PDE4B: variants seen among roughly 807,000 people sequenced by gnomAD.
PDE4B encodes the protein phosphodiesterase 4B, also known as 3',5'-cyclic-AMP phosphodiesterase 4B.
PDE4B carries 20 observed loss-of-function variants against 82.2 expected under a neutral mutation model. That is an observed-to-expected ratio of 0.24 (90% CI 0.17 to 0.35). The LOEUF is 0.35. Among genes scored for constraint, PDE4B ranks in the 10% least tolerant of loss-of-function variants. PDE4B has a pLI of 1.00. For synonymous variants in PDE4B, 320 were observed against 318.9 expected, an observed-to-expected ratio of 1.00 and a Z score of -0.04; for missense variants, 655 against 907.2, an observed-to-expected ratio of 0.72 and a Z score of 3.57.
chr1:65,814,817 C>G (rs949813683), intron 1 of PDE4B, among the ~76,000 whole-genome samples: 19 of 151,824 alleles, frequency 1.3e-4, no homozygotes, highest in Admixed American at 2.0e-4. Flanking sequence ...AGGTTGTTCC[C>G]AGGTGTAAAC....
chr1:66,051,378 A>G (rs1223840283), intron 3 of PDE4B, among the ~76,000 whole-genome samples: 2 of 152,130 alleles, frequency 1.3e-5, no homozygotes, highest in Non-Finnish European at 2.9e-5. Context: ...TTGGGTCAGT[A>G]TAGGAGAGAA....
At chr1:65,841,238 T>TA (rs1646203014) in intron 1 of PDE4B, among the ~76,000 whole-genome samples, 1 of 151,662 alleles carries the variant, frequency 6.6e-6, no homozygotes, top group African/African-American at 2.4e-5. Context: ...GCAGAGGTTG[T>TA]AGTGAGCCAA....
At chr1:66,343,419 C>T (rs541796421) in intron 8 of PDE4B, among the ~76,000 whole-genome samples, 13 of 152,310 alleles carry the variant, frequency 8.5e-5, no homozygotes, top group Non-Finnish European at 1.8e-4. Flanking sequence ...GCTCCTAGGA[C>T]GCCAAACTGT....
At chr1:66,327,102 G>A (rs1363196647) in intron 7 of PDE4B, among the ~76,000 whole-genome samples, 1 of 152,124 alleles carries the variant, frequency 6.6e-6, no homozygotes, top group African/African-American at 2.4e-5. Context: ...TTGTGGCCAG[G>A]CAGAGGTTTC....
rs149228788 is a variant in PDE4B, at chr1:66,147,872, C to T, written c.282-99588C>T. Among the ~76,000 whole-genome samples, 252 of 152,256 alleles carry T rather than the reference C, an allele frequency of 1.7e-3. 1 individual carries two copies. Among genetic ancestry groups the T allele is most frequent in the African/African-American group, 5.7e-3 (238 of 41,544 alleles). On this transcript the variant is annotated intron_variant, in intron 3 of 16. Coordinates refer to ENST00000341517, the MANE Select transcript of PDE4B (RefSeq NM_002600.4). Reference sequence around the variant, plus strand: ...CACTTGAGGCACTAATTATTTGGAACGTACCCAAGTAAACCCTACCAAGTC... The same window carrying T: ...CACTTGAGGCACTAATTATTTGGAATGTACCCAAGTAAACCCTACCAAGTC...
Position 65,836,625 on chromosome 1 carries a change from T to C in PDE4B, c.-71+43377T>C, listed in dbSNP as rs75872660. 1.6e-3 allele frequency among the ~76,000 whole-genome samples: 249 copies of C among 152,328 alleles called. 1 individual carries two copies. Among genetic ancestry groups the C allele is most frequent in the African/African-American group, 3.2e-3 (134 of 41,578 alleles). On this transcript the variant is annotated intron_variant, in intron 1 of 16. Transcript: ENST00000341517. The stretch of plus-strand genomic sequence containing the variant: ...TACTATTCTCTGACAGCTTTTTTTT[T>C]CCAACTCCTCTACATTTTTGTTTCA...
chr1:66,166,052 A>C (rs1361383635), intron 3 of PDE4B, among the ~76,000 whole-genome samples: 1 of 152,366 alleles, frequency 6.6e-6, no homozygotes, highest in Non-Finnish European at 1.5e-5. Flanking sequence ...ACAGATTAAT[A>C]GAATAGAATT....
rs2050842487 is a variant in PDE4B, at chr1:66,373,076, GTGCC to G, written c.*400_*403del. The G allele has an allele frequency of 5.9e-6, 1 of 170,044 alleles. No individual in the cohort carries two copies. 10.5% of individuals were successfully genotyped at this position (170,044 alleles called of 1,614,324 possible). On this transcript the variant is annotated 3_prime_UTR_variant, in exon 17 of 17. Transcript: ENST00000341517. ...CTTGTCCCTTTGTCTGCCAACCTGT[GTGCC>G]TTTTTTGTAAAACATTTTCATGTCT...
At chr1:66,267,174 G>A (rs967561233) in intron 7 of PDE4B, 6 of 153,462 alleles carry the variant, frequency 3.9e-5, no homozygotes, top group Non-Finnish European at 7.3e-5. Context: ...AAAAAAAAGT[G>A]AAAGAAAGAT....
intron 3 of PDE4B, among the ~76,000 whole-genome samples, chr1:65,933,152 T>A (rs1647930810): frequency 6.6e-6 from 1 of 152,106 alleles, no homozygotes; most frequent in South Asian, 2.1e-4. Flanking sequence ...CTGAGATACA[T>A]TATAATTATA....
chr1:66,081,925 CT>C (rs1656762797), intron 3 of PDE4B, among the ~76,000 whole-genome samples: 2 of 151,506 alleles, frequency 1.3e-5, no homozygotes, highest in Admixed American at 6.6e-5. Flanking sequence ...ATAGCATGTA[CT>C]CATTTCACAA....
intron 3 of PDE4B, among the ~76,000 whole-genome samples, chr1:65,935,036 C>T (rs1304005912): frequency 6.6e-6 from 1 of 152,108 alleles, no homozygotes; most frequent in Non-Finnish European, 1.5e-5. Flanking sequence ...ATAAAATATT[C>T]ATCTCATAGC....
chr1:65,875,945 G>A lies in PDE4B; in HGVS notation c.-70-37300G>A, dbSNP rs1034638215. On this transcript the variant is annotated intron_variant, in intron 1 of 16. Transcript: ENST00000341517. Reference sequence around the variant, plus strand: ...GTGCACATGTACCCTAAAACTTAAAGTATAATTAAAAAAAAAATGGGGAAA... The same window carrying A: ...GTGCACATGTACCCTAAAACTTAAAATATAATTAAAAAAAAAATGGGGAAA... 3.2e-4 allele frequency among the ~76,000 whole-genome samples: 48 copies of A among 148,320 alleles called. 2 individuals carry two copies. Among genetic ancestry groups the A allele is most frequent in the African/African-American group, 1.1e-3 (44 of 40,730 alleles).
intron 1 of PDE4B, among the ~76,000 whole-genome samples, chr1:65,869,382 C>T (rs936440159): frequency 2.0e-5 from 3 of 151,998 alleles, no homozygotes; most frequent in Admixed American, 6.6e-5. Flanking sequence ...TCAATAAATG[C>T]AATTGTTTAA....
At chr1:66,254,221 A>G (rs114659119) in intron 4 of PDE4B, among the ~76,000 whole-genome samples, 2,211 of 151,418 alleles carry the variant, frequency 0.015, 48 homozygotes, top group African/African-American at 0.051. Context: ...TGACTAGCCT[A>G]AAAAAAAAGA....
intron 3 of PDE4B, among the ~76,000 whole-genome samples, chr1:66,127,325 C>A (rs909792151): frequency 6.6e-6 from 1 of 152,024 alleles, no homozygotes; most frequent in African/African-American, 2.4e-5. Flanking sequence ...TAAGTTTAAA[C>A]TATTTTCAAA....
At chr1:66,301,917 G>C (rs149175175) in intron 7 of PDE4B, among the ~76,000 whole-genome samples, 6 of 152,272 alleles carry the variant, frequency 3.9e-5, no homozygotes, top group Non-Finnish European at 8.8e-5. Flanking sequence ...TAACTCTAGA[G>C]AAAGCTCTTC....
chr1:66,173,088 T>TG (rs1321084599), intron 3 of PDE4B, among the ~76,000 whole-genome samples: 1 of 152,182 alleles, frequency 6.6e-6, no homozygotes, highest in Non-Finnish European at 1.5e-5. Context: ...TGTATCAGAT[T>TG]GGGGGTAAAG....
intron 3 of PDE4B, among the ~76,000 whole-genome samples, chr1:65,965,089 A>G (rs980442714): frequency 2.0e-5 from 3 of 152,138 alleles, no homozygotes; most frequent in Non-Finnish European, 4.4e-5. Flanking sequence ...AGACATATAT[A>G]TGTGCCAAAT....
Sources: gnomAD v4.1 joint callset for allele counts (sites outside exome capture counted in the v4.1 genomes callset) on GRCh38, gnomAD v4.1.1 for gene constraint, MANE v1.5 for transcripts, NCBI Gene and HGNC (gene_info 2026-07-23, HGNC 2026-07-21) for gene names.